The following CEP295NL variants were observed in gnomAD, a reference collection of about 807,000 sequenced individuals.
The protein encoded by CEP295NL is protein DDC8 homolog.
Under a neutral mutation model 4.6 loss-of-function variants are expected in CEP295NL, and 3 were observed. That is an observed-to-expected ratio of 0.65 (90% CI 0.30 to 1.69). The LOEUF (loss-of-function observed/expected upper bound fraction) is 1.69. CEP295NL is among the 40% of genes most tolerant of loss of function. The pLI, the probability that CEP295NL is intolerant of heterozygous loss-of-function variation, is 0.10. For missense variants in CEP295NL, 719 were observed against 769.0 expected, an observed-to-expected ratio of 0.93 and a Z score of 0.77; for synonymous variants, 295 against 312.2, an observed-to-expected ratio of 0.94 and a Z score of 0.58.
chr17:78,902,462 C>T (rs139016248), intron 1 of CEP295NL, among the ~76,000 whole-genome samples: 107 of 152,260 alleles, frequency 7.0e-4, no homozygotes, highest in African/African-American at 2.4e-3. Context: ...GGGTGGGTCA[C>T]GTTAGAATGA....
At chr17:78,892,566 A>G in intron 2 of CEP295NL, 107 bp from the exon 3 acceptor site, 3 of 1,449,978 alleles carry the variant, frequency 2.1e-6, no homozygotes, top group Non-Finnish European at 2.7e-6. Flanking sequence ...CAGGCTGCAA[A>G]ATGTGCCCCT....
intron 2 of CEP295NL, chr17:78,898,679 AAC>A (rs2145780542): frequency 6.6e-6 from 1 of 152,234 alleles, no homozygotes; most frequent in East Asian, 1.9e-4. Flanking sequence ...GAATCTTGTT[AAC>A]AGTTAGGCTC....
At position 78,891,355 on chromosome 17, in the gene CEP295NL, T is replaced by C; in HGVS notation, c.1149A>G (p.Gln383=). ...PGEGHAFSEM[Q]ECGAGTPRGK... ...CTCTTGGGGTCCCAGCGCCACACTC[T>C]TGCATCTCTGAGAAGGCATGCCCTT... Residue 383 remains glutamine, a synonymous_variant, in exon 3 of 3, where the codon CAA becomes CAG. Transcript: ENST00000322630. This position sits in a 1 kb window ranked among gnomAD's most constrained non-coding sequence, Gnocchi z 4.5. 1 of 1,550,556 alleles carries C rather than the reference T, an allele frequency of 6.4e-7. No individual in the cohort carries two copies. Among genetic ancestry groups the C allele is most frequent in the South Asian group, 1.2e-5 (1 of 84,066 alleles).
chr17:78,900,749 G>A (rs1314945896), intron 2 of CEP295NL, among the ~76,000 whole-genome samples: 1 of 152,054 alleles, frequency 6.6e-6, no homozygotes, highest in African/African-American at 2.4e-5. Flanking sequence ...TTGCACAACT[G>A]GCCAAATCTT....
chr17:78,895,748 G>C (rs1264031516), intron 2 of CEP295NL, among the ~76,000 whole-genome samples: 1 of 152,168 alleles, frequency 6.6e-6, no homozygotes, highest in Non-Finnish European at 1.5e-5. Flanking sequence ...CACCAGGAAC[G>C]GCCACAGGGA....
Position 78,892,096 on chromosome 17 carries a change from A to T in CEP295NL, c.408T>A (p.Arg136=), listed in dbSNP as rs1282984860. The T allele has an allele frequency of 6.4e-7, 1 of 1,551,684 alleles. No homozygotes were observed. Residue 136 remains arginine, a synonymous_variant, in exon 3 of 3, where the codon CGT becomes CGA. Coordinates refer to ENST00000322630, the MANE Select transcript of CEP295NL (RefSeq NM_001243540.2). ...VGGLDRLQSA[R]LLGWGGGRAR... ...CCCGTCCTCCTCCCCAGCCCAACAG[A>T]CGTGCTGACTGCAGCCTGTCCAGGC...
At position 78,896,915 on chromosome 17, in the gene CEP295NL, C is replaced by A; in HGVS notation, c.45-4456G>T. 1.0e-6 allele frequency: 1 copy of A among 985,326 alleles called. No homozygotes were observed. The highest frequency in any genetic ancestry group is 1.2e-6 in the Non-Finnish European group (1 of 829,870). The allele number at this position is 985,326 out of a possible 1,614,324, so 61.0% of individuals were successfully genotyped here. A position where few individuals can be genotyped will look rare whatever the true frequency, so the allele number is the denominator to read the frequency against. ...CACCTGGGCCCAGGAATGTGCTTGG[C>A]CACCAGATTCCCAGCGATTCTCACC... On this transcript the variant is annotated intron_variant, in intron 2 of 2. Transcript: ENST00000322630. The surrounding 1 kb of genome is among the most constrained non-coding windows in gnomAD (Gnocchi z 4.4).
intron 2 of CEP295NL, among the ~76,000 whole-genome samples, chr17:78,895,586 A>C (rs550959717): frequency 2.0e-5 from 3 of 152,362 alleles, no homozygotes; most frequent in Non-Finnish European, 2.9e-5. Context: ...TTTCTTAAAA[A>C]GGGAAACACA....
At chr17:78,894,051 G>C (rs2069960033) in intron 2 of CEP295NL, among the ~76,000 whole-genome samples, 1 of 152,182 alleles carries the variant, frequency 6.6e-6, no homozygotes, top group South Asian at 2.1e-4. Flanking sequence ...CGTAGTTGCA[G>C]CTGAAGTCAC....
At position 78,891,883 on chromosome 17, in the gene CEP295NL, T is replaced by C. The variant is rs1167184425; in HGVS notation, c.621A>G (p.Thr207=). 1 of 1,550,558 alleles carries C rather than the reference T, an allele frequency of 6.4e-7. No homozygotes were observed. The highest frequency in any genetic ancestry group is 8.7e-7 in the Non-Finnish European group (1 of 1,147,020). ...GAGAATTCATCCGACCCGTGGCTTT[T>C]GTAGTCTGTGGTTTCTCTGGACTCG... ...TAASPEKPQT[T]KATGRMNSHL... Residue 207 remains threonine, a synonymous_variant, in exon 3 of 3, where the codon ACA becomes ACG. Coordinates refer to ENST00000322630, the MANE Select transcript of CEP295NL (RefSeq NM_001243540.2). The surrounding 1 kb of genome is among the most constrained non-coding windows in gnomAD (Gnocchi z 4.5).
intron 2 of CEP295NL, chr17:78,897,062 G>A: frequency 1.1e-6 from 1 of 948,888 alleles, no homozygotes; most frequent in Non-Finnish European, 1.3e-6. Context: ...CCTCCACCCA[G>A]GCAGCGTGGA....
chr17:78,902,229 T>C (rs1031067940), intron 1 of CEP295NL, among the ~76,000 whole-genome samples: 5 of 152,164 alleles, frequency 3.3e-5, no homozygotes, highest in Non-Finnish European at 7.4e-5. Context: ...GTCTCAGCCT[T>C]CCCAAGTAGC....
chr17:78,891,305 A>T lies in CEP295NL; in HGVS notation c.1199T>A (p.Met400Lys), dbSNP rs1218556280. ...GCTCCTGGGTTCCCCGGCAGGCAGC[A>T]TCTCTGGGTCTGCCATTTTCTTCCC... ...PRGKKMADPE[M>K]LPAGEPRSPA... Residue 400 changes from methionine to lysine, a missense_variant, in exon 3 of 3, where the codon ATG becomes AAG. Physicochemically the swap from Met to Lys is moderately conservative, Grantham distance 95 (BLOSUM62 -1). Coordinates refer to ENST00000322630, the MANE Select transcript of CEP295NL (RefSeq NM_001243540.2). This position sits in a 1 kb window ranked among gnomAD's most constrained non-coding sequence, Gnocchi z 4.5. 6.4e-7 allele frequency: 1 copy of T among 1,550,500 alleles called. No individual in the cohort carries two copies.
Position 78,901,928 on chromosome 17 carries a change from T to A in CEP295NL, c.-98-2A>T, listed in dbSNP as rs1426297716. Reference sequence around the variant, plus strand: ...TTGTAGGTAGTGAGACGCCCATCACTGGAGGCATCCGAACCAAGCCCAGAT... The same window carrying A: ...TTGTAGGTAGTGAGACGCCCATCACAGGAGGCATCCGAACCAAGCCCAGAT... On this transcript the variant is annotated splice_acceptor_variant, in intron 1 of 2. Coordinates refer to ENST00000322630, the MANE Select transcript of CEP295NL (RefSeq NM_001243540.2). LOFTEE classifies it low-confidence loss of function (5UTR_SPLICE). 3.2e-6 allele frequency: 2 copies of A among 616,718 alleles called. No homozygotes were observed. The highest frequency in any genetic ancestry group is 3.7e-5 in the African/African-American group (2 of 53,762). The allele number at this position is 616,718 out of a possible 1,614,324, so 38.2% of individuals were successfully genotyped here.
chr17:78,903,187 T>C lies in CEP295NL; in HGVS notation c.-152A>G, dbSNP rs2070122739. The C allele has an allele frequency of 6.6e-6, 1 of 152,600 alleles. No homozygotes were observed. Among genetic ancestry groups the C allele is most frequent in the South Asian group, 2.1e-4 (1 of 4,836 alleles). The allele number at this position is 152,600 out of a possible 1,614,324, so 9.5% of individuals were successfully genotyped here. ...TCCACCTGCAGCCCGGCCTCTGCCC[T>C]GGCTGGCTACTCATAGCAGGCTGTT... On this transcript the variant is annotated 5_prime_UTR_variant, in exon 1 of 3. Transcript: ENST00000322630.
chr17:78,900,458 T>C (rs1331048731), intron 2 of CEP295NL, among the ~76,000 whole-genome samples: 1 of 151,056 alleles, frequency 6.6e-6, no homozygotes, highest in Non-Finnish European at 1.5e-5. Context: ...GGCAGGAGAA[T>C]CACTTGAACC....
Position 78,892,007 on chromosome 17 carries a change from G to C in CEP295NL, c.497C>G (p.Ala166Gly). 6.4e-7 allele frequency: 1 copy of C among 1,550,654 alleles called. No individual in the cohort carries two copies. Among genetic ancestry groups the C allele is most frequent in the Non-Finnish European group, 8.7e-7 (1 of 1,147,034 alleles). The change falls in exon 3 of 3, where the codon GCC becomes GGC. Residue 166 changes from alanine (A) to glycine (G), a missense_variant. Coordinates refer to ENST00000322630, the MANE Select transcript of CEP295NL (RefSeq NM_001243540.2). Reference protein sequence around the residue: ...IQRRSARPPRAKEKHRAALSE... With the variant: ...IQRRSARPPRGKEKHRAALSE... ...AAGGGCTGCTCTATGCTTCTCCTTGGCCCTCGGGGGCCTGGCTGATCTTCG... is the reference window on the plus strand; with the variant it reads ...AAGGGCTGCTCTATGCTTCTCCTTGCCCCTCGGGGGCCTGGCTGATCTTCG...
At chr17:78,894,220 C>G (rs2069963370) in intron 2 of CEP295NL, among the ~76,000 whole-genome samples, 1 of 151,920 alleles carries the variant, frequency 6.6e-6, no homozygotes, top group Admixed American at 6.6e-5. Flanking sequence ...GACAGGGAAA[C>G]TGAGGCAGGC....
intron 2 of CEP295NL, among the ~76,000 whole-genome samples, chr17:78,900,492 C>A (rs2070073625): frequency 1.3e-5 from 2 of 151,560 alleles, no homozygotes; most frequent in African/African-American, 2.4e-5. Context: ...TTGCAGTGAG[C>A]CAAGATCGCA....
Sources: allele counts gnomAD v4.1 joint callset (sites outside exome capture counted in the v4.1 genomes callset), GRCh38; gene constraint gnomAD v4.1.1; non-coding constraint Gnocchi (gnomAD v3.1); transcripts MANE v1.5; gene names NCBI Gene and HGNC (gene_info 2026-07-23, HGNC 2026-07-21).